The following TRIP11 variants were observed in gnomAD, a reference collection of about 807,000 sequenced individuals.
The protein encoded by TRIP11 is thyroid receptor-interacting protein 11.
In TRIP11, 148 loss-of-function variants were observed where a neutral mutation model predicts 223.1. That is an observed-to-expected ratio of 0.66 (90% CI 0.58 to 0.76). The LOEUF is 0.76. Ranked by LOEUF, TRIP11 falls within the 30% of genes least tolerant of loss-of-function variation. The probability of loss-of-function intolerance (pLI) is 0.00; values close to 1 mark genes in which losing one functional copy is unlikely to be tolerated. For missense variants in TRIP11, 2,043 were observed against 2,222.0 expected, an observed-to-expected ratio of 0.92 and a Z score of 1.62; for synonymous variants, 762 against 772.6, an observed-to-expected ratio of 0.99 and a Z score of 0.23.
chr14:92,035,397 C>G (rs1176015665), intron 1 of TRIP11, among the ~76,000 whole-genome samples: 2 of 151,422 alleles, frequency 1.3e-5, no homozygotes, highest in African/African-American at 4.8e-5. Context: ...TTTCATTACT[C>G]ACAGCTCTTT....
Position 92,014,244 on chromosome 14 carries a change from T to C in TRIP11, c.1157A>G (p.Glu386Gly). Reference sequence around the variant, plus strand: ...CAGTGCTTGTTGTAGTCTGAACACTTCTTCCACTGATGCACTCTGGGCAAG... The same window carrying C: ...CAGTGCTTGTTGTAGTCTGAACACTCCTTCCACTGATGCACTCTGGGCAAG... ...RILAQSASVE[E>G]VFRLQQALSD... The change falls in exon 7 of 21, where the codon GAA (glutamate) becomes GGA (glycine). Residue 386 changes from glutamate to glycine, a missense_variant. Coordinates refer to ENST00000267622, the MANE Select transcript of TRIP11 (RefSeq NM_004239.4). The C allele has an allele frequency of 6.2e-7, 1 of 1,614,052 alleles. No homozygotes were observed. The highest frequency in any genetic ancestry group is 2.2e-5 in the East Asian group (1 of 44,846).
chr14:91,992,630 T>G, intron 15 of TRIP11, among the ~76,000 whole-genome samples: 1 of 151,948 alleles, frequency 6.6e-6, no homozygotes, highest in Non-Finnish European at 1.5e-5. Context: ...TAGAAAAGCT[T>G]CTCCTAGGCC....
chr14:92,012,527 T>C (rs1472722407), intron 7 of TRIP11, among the ~76,000 whole-genome samples: 1 of 152,180 alleles, frequency 6.6e-6, no homozygotes, highest in Non-Finnish European at 1.5e-5. Context: ...GGTAAACACC[T>C]AATCTAGATT....
At chr14:92,022,135 T>C (rs1052691361) in intron 3 of TRIP11, among the ~76,000 whole-genome samples, 14 of 152,244 alleles carry the variant, frequency 9.2e-5, no homozygotes, top group Admixed American at 3.3e-4. Context: ...TGGAGTAGTA[T>C]AGGCAATTTC....
rs2056553665 is a variant in TRIP11 at position 91,982,183 on chromosome 14, C to A, written c.5261-5994G>T. ...TTTTATATAAATATTTTTAATATAA[C>A]CAAATCAAATTTATTTTTCCTCACC... On this transcript the variant is annotated intron_variant, in intron 16 of 20. Transcript: ENST00000267622. Among the ~76,000 whole-genome samples, 4 of 152,124 alleles carry A rather than the reference C, an allele frequency of 2.6e-5. No homozygotes were observed. In the South Asian group the frequency reaches 8.3e-4, roughly 32 times the overall value.
In TRIP11 at chr14:92,023,618, T is replaced by C. The variant is rs563057577; in HGVS notation, c.312+1692A>G. Among the ~76,000 whole-genome samples, 8 of 152,256 alleles carry C rather than the reference T, an allele frequency of 5.3e-5. No individual in the cohort carries two copies. The South Asian group carries it at 1.7e-3, about 32-fold the overall frequency. On this transcript the variant is annotated intron_variant, in intron 3 of 20. Transcript: ENST00000267622. ...CTCTTTCCAGTACACTAAGTTAGAA[T>C]CTCCTAGGTGGTGTAAACATGTATA... is the stretch of plus-strand genomic sequence containing the variant.
At position 91,985,071 on chromosome 14, in the gene TRIP11, A is replaced by T. The variant is rs185034732; in HGVS notation, c.5260+3213T>A. On this transcript the variant is annotated intron_variant, in intron 16 of 20. Transcript: ENST00000267622. ...GGGAGACAGGGAGAAATATTTAAAC[A>T]GTTCCCTACTGCTGGTTTATGTCTC... 3.2e-3 allele frequency among the ~76,000 whole-genome samples: 488 copies of T among 152,302 alleles called. 3 individuals are homozygous for T. The highest frequency in any genetic ancestry group is 5.4e-3 in the Non-Finnish European group (366 of 68,028).
At chr14:91,987,283 C>G (rs2056615142) in intron 16 of TRIP11, among the ~76,000 whole-genome samples, 1 of 152,020 alleles carries the variant, frequency 6.6e-6, no homozygotes, top group South Asian at 2.1e-4. Flanking sequence ...AGGACAATTA[C>G]TTCACATCTA....
chr14:92,021,792 G>A lies in TRIP11; in HGVS notation c.352C>T (p.Gln118Ter), dbSNP rs2057118603. 2 of 1,614,124 alleles carry A rather than the reference G, an allele frequency of 1.2e-6. No individual in the cohort carries two copies. The highest frequency in any genetic ancestry group is 1.1e-5 in the South Asian group (1 of 91,080). Residue 118 changes from glutamine (Q) to a stop codon, truncating the protein, a stop_gained, in exon 4 of 21, where the codon CAG (glutamine) becomes TAG (stop). Coordinates refer to ENST00000267622, the MANE Select transcript of TRIP11 (RefSeq NM_004239.4). LOFTEE classifies it high-confidence loss of function. ...GACTGCAGTTTCAGCAACTGATCCTGGAGTGCAATCTGTCTGGCTTTAAGA... is the reference window on the plus strand; with the variant it reads ...GACTGCAGTTTCAGCAACTGATCCTAGAGTGCAATCTGTCTGGCTTTAAGA... ...SHLKARQIALQDQLLKLQSAA... is the reference protein window; with the variant it reads ...SHLKARQIAL
chr14:91,986,370 A>G (rs1296724337), intron 16 of TRIP11, among the ~76,000 whole-genome samples: 6 of 152,208 alleles, frequency 3.9e-5, no homozygotes, highest in Non-Finnish European at 7.3e-5. Context: ...TCTACATTAT[A>G]GTACTACTGG....
chr14:92,033,264 A>G lies in TRIP11; in HGVS notation c.140-11T>C, dbSNP rs1290343862. The G allele has an allele frequency of 6.2e-7, 1 of 1,600,414 alleles. No homozygotes were observed. The highest frequency in any genetic ancestry group is 2.2e-5 in the East Asian group (1 of 44,646). Reference sequence around the variant, plus strand: ...AATCAGGTAATTCTGCTACAAGAGAAATAACAAATATTGAATATTTAATCA... The same window carrying G: ...AATCAGGTAATTCTGCTACAAGAGAGATAACAAATATTGAATATTTAATCA... On this transcript the variant is annotated splice_polypyrimidine_tract_variant and intron_variant, in intron 1 of 20. Coordinates refer to ENST00000267622, the MANE Select transcript of TRIP11 (RefSeq NM_004239.4).
intron 3 of TRIP11, among the ~76,000 whole-genome samples, chr14:92,024,791 ACAGACTGTATTTTAAGGATT>A (rs2057160815): frequency 6.6e-6 from 1 of 152,226 alleles, no homozygotes; most frequent in East Asian, 1.9e-4. Flanking sequence ...ACATGAGGAC[ACAGACTGTATTTTAAGGATT>A]CAGAGTAACA....
intron 16 of TRIP11, among the ~76,000 whole-genome samples, chr14:91,985,027 G>T (rs1362432546): frequency 6.6e-6 from 1 of 152,194 alleles, no homozygotes; most frequent in Non-Finnish European, 1.5e-5. Flanking sequence ...ACTTTCCCGG[G>T]AAGAGGGATA....
At chr14:92,001,632 TGTTAA>T (rs2056828363) in intron 11 of TRIP11, among the ~76,000 whole-genome samples, 1 of 151,962 alleles carries the variant, frequency 6.6e-6, no homozygotes, top group African/African-American at 2.4e-5. Flanking sequence ...GTGAGGAGAG[TGTTAA>T]TAATATCTGC....
chr14:92,030,381 TTTTTTA>T (rs1031778494), intron 2 of TRIP11, among the ~76,000 whole-genome samples: 8 of 152,038 alleles, frequency 5.3e-5, no homozygotes, highest in African/African-American at 1.7e-4. Flanking sequence ...ACAGTATTCT[TTTTTTA>T]TTTTTATTTT....
intron 20 of TRIP11, 99 bp from the exon 21 acceptor site, chr14:91,969,992 G>C (rs2056381993): frequency 8.5e-7 from 1 of 1,180,146 alleles, no homozygotes; most frequent in East Asian, 2.5e-5. Context: ...GTGTAATATT[G>C]TTAAATTGAT....
intron 9 of TRIP11, among the ~76,000 whole-genome samples, chr14:92,008,803 C>T (rs1322596174): frequency 6.6e-6 from 1 of 152,088 alleles, no homozygotes; most frequent in Non-Finnish European, 1.5e-5. Flanking sequence ...GAGTTCAAGG[C>T]TGTAGTGCAC....
chr14:92,027,918 T>C (rs1039327680), intron 2 of TRIP11, among the ~76,000 whole-genome samples: 1 of 152,196 alleles, frequency 6.6e-6, no homozygotes. Flanking sequence ...AAATCCTAGT[T>C]TGGGACTCTA....
At chr14:92,007,495 G>A (rs1346459583) in intron 10 of TRIP11, 145 bp downstream of exon 10, 2 of 848,968 alleles carry the variant, frequency 2.4e-6, no homozygotes, top group Admixed American at 2.1e-5. Flanking sequence ...GGCCTACAAG[G>A]CCAATGATAT....
Sources: allele counts gnomAD v4.1 joint callset (sites outside exome capture counted in the v4.1 genomes callset), GRCh38; gene constraint gnomAD v4.1.1; transcripts MANE v1.5; gene names NCBI Gene and HGNC (gene_info 2026-07-23, HGNC 2026-07-21).